Variants in ERP29 observed in about 807,000 individuals in gnomAD.
ERP29 encodes the protein endoplasmic reticulum protein 29.
In ERP29, 14 loss-of-function variants were observed where a neutral mutation model predicts 21.7. The ratio of observed to expected loss-of-function variants is 0.64; its 90% confidence interval spans 0.43 to 1.01. The LOEUF is 1.01. Ranked by LOEUF, ERP29 falls within the 50% of genes least tolerant of loss-of-function variation. The pLI is 0.00. For synonymous variants in ERP29, 129 were observed against 139.1 expected (o/e 0.93, Z 0.51); for missense variants, 286 against 327.3 (o/e 0.87, Z 0.97).
intron 2 of ERP29, among the ~76,000 whole-genome samples, chr12:112,021,352 C>T (rs927537343): frequency 6.6e-6 from 1 of 152,148 alleles, no homozygotes; most frequent in Non-Finnish European, 1.5e-5. Flanking sequence ...GGTCCTTTAG[C>T]TGATGTCACC....
At chr12:112,017,788 T>C (rs953965198) in intron 1 of ERP29, among the ~76,000 whole-genome samples, 2 of 147,132 alleles carry the variant, frequency 1.4e-5, no homozygotes, top group African/African-American at 5.2e-5. Flanking sequence ...TTTTTCTTTT[T>C]TTTTTTTTTT....
chr12:112,014,506 G>T (rs1208012695), intron 1 of ERP29: 1 of 152,194 alleles, frequency 6.6e-6, no homozygotes, highest in African/African-American at 2.4e-5. Flanking sequence ...AACATCTTGG[G>T]GTTGGCAACA....
At chr12:112,014,342 G>A (rs1189796534) in intron 1 of ERP29, among the ~76,000 whole-genome samples, 1 of 152,222 alleles carries the variant, frequency 6.6e-6, no homozygotes, top group East Asian at 1.9e-4. Context: ...CTACGCATGT[G>A]AGGGATCCAG....
intron 2 of ERP29, among the ~76,000 whole-genome samples, chr12:112,020,147 C>T (rs560042049): frequency 9.9e-5 from 15 of 152,222 alleles, no homozygotes; most frequent in African/African-American, 3.1e-4. Context: ...CTTCACATTC[C>T]ACCCCTCTCT....
intron 1 of ERP29, chr12:112,018,938 T>C (rs972159608): frequency 1.3e-5 from 2 of 152,226 alleles, no homozygotes; most frequent in Non-Finnish European, 2.9e-5. Context: ...TCCATCAGAA[T>C]AGACAAATCT....
In ERP29 at chr12:112,022,548, A is replaced by T. The variant is rs1056002430; in HGVS notation, c.682A>T (p.Ile228Phe). The T allele has an allele frequency of 2.5e-6, 4 of 1,614,080 alleles. No homozygotes were observed. The highest frequency in any genetic ancestry group is 3.3e-4 in the Middle Eastern group (2 of 6,084). Residue 228 changes from isoleucine (I) to phenylalanine (F), a missense_variant, in exon 3 of 3, where the codon ATT (isoleucine) becomes TTT (phenylalanine). Physicochemically the swap from Ile to Phe is conservative, Grantham distance 21. Transcript: ENST00000261735. ...AGAGATGACACGGATCGCCAGGCTG[A>T]TTGAGAAGAACAAGATGAGTGACGG... ...ASEMTRIARLIEKNKMSDGKK... is the reference protein window; with the variant it reads ...ASEMTRIARLFEKNKMSDGKK...
At chr12:112,014,387 G>C (rs976153731) in intron 1 of ERP29, among the ~76,000 whole-genome samples, 1 of 152,242 alleles carries the variant, frequency 6.6e-6, no homozygotes, top group Non-Finnish European at 1.5e-5. Flanking sequence ...AATGCCTGAT[G>C]ATCTGAGGCG....
intron 1 of ERP29, 177 bp from the exon 2 acceptor site, chr12:112,019,579 G>C (rs2078032397): frequency 5.6e-6 from 4 of 708,422 alleles, no homozygotes; most frequent in Non-Finnish European, 1.0e-5. Flanking sequence ...CATGTTGCTG[G>C]CACTCACTAA....
chr12:112,013,813 G>T (rs1389089970), intron 1 of ERP29, among the ~76,000 whole-genome samples: 6 of 152,366 alleles, frequency 3.9e-5, no homozygotes, highest in South Asian at 4.1e-4. Flanking sequence ...GGGCCCCGGC[G>T]CACCCTTGCT....
chr12:112,019,948 C>A, intron 2 of ERP29, 54 bp downstream of exon 2: 2 of 1,602,894 alleles, frequency 1.2e-6, no homozygotes, highest in South Asian at 1.1e-5. Flanking sequence ...AGCTAGAAAT[C>A]GTTTCCCTAC....
At chr12:112,019,546 A>G in intron 1 of ERP29, 1 of 611,892 alleles carries the variant, frequency 1.6e-6, no homozygotes, top group Non-Finnish European at 3.0e-6. Context: ...ATTAGTGTGA[A>G]CAGGTACTAA....
intron 2 of ERP29, 23 bp from the exon 3 acceptor site, chr12:112,022,127 T>G: frequency 1.9e-6 from 3 of 1,612,454 alleles, no homozygotes; most frequent in Non-Finnish European, 2.5e-6. Flanking sequence ...GTCTTGCTTT[T>G]TGTGTCTGGT....
chr12:112,020,476 AG>A (rs1446349368), intron 2 of ERP29, among the ~76,000 whole-genome samples: 1 of 152,192 alleles, frequency 6.6e-6, no homozygotes, highest in African/African-American at 2.4e-5. Context: ...GTTATACTTC[AG>A]GAAAAAAAAA....
intron 2 of ERP29, among the ~76,000 whole-genome samples, chr12:112,021,081 G>A (rs79761579): frequency 0.092 from 14,046 of 152,238 alleles, 718 homozygotes; most frequent in East Asian, 0.23. Context: ...ACTAACAGCA[G>A]CTACCACATA....
At chr12:112,017,371 T>C (rs1474461329) in intron 1 of ERP29, among the ~76,000 whole-genome samples, 1 of 151,854 alleles carries the variant, frequency 6.6e-6, no homozygotes, top group Non-Finnish European at 1.5e-5. Context: ...GATAGCAGGG[T>C]ATGATGAAAA....
In ERP29 at chr12:112,013,566, A is replaced by G; in HGVS notation, c.101A>G (p.His34Arg). The G allele has an allele frequency of 1.2e-6, 2 of 1,610,084 alleles. No individual in the cohort carries two copies. Among genetic ancestry groups the G allele is most frequent in the Non-Finnish European group, 1.7e-6 (2 of 1,178,350 alleles). The change falls in exon 1 of 3, where the codon CAC becomes CGC. Residue 34 changes from histidine (H) to arginine (R), a missense_variant. By Grantham distance (29) the His-to-Arg change is conservative (BLOSUM62 0). Transcript: ENST00000261735. Reference sequence around the variant, plus strand: ...GCTCCGCATGGCGGCAGCGGCCTGCACACCAAGGGCGCCCTTCCCCTGGAT... The same window carrying G: ...GCTCCGCATGGCGGCAGCGGCCTGCGCACCAAGGGCGCCCTTCCCCTGGAT... ...LSAPHGGSGL[H>R]TKGALPLDTV... is the part of the protein sequence containing the mutation.
chr12:112,022,649 G>A lies in ERP29; in HGVS notation c.783G>A (p.Leu261=), dbSNP rs768847088. 6.2e-7 allele frequency: 1 copy of A among 1,602,364 alleles called. No homozygotes were observed. Among genetic ancestry groups the A allele is most frequent in the East Asian group, 2.2e-5 (1 of 44,752 alleles). The change falls in exon 3 of 3, where the codon CTG becomes CTA. Residue 261 remains leucine, a synonymous_variant. Transcript: ENST00000261735. ...AGAAGGGGGCCGAGAAAGAGGAGCT[G>A]TAAAAAGGCTGTCTGTGATTTTCCA... The part of the protein sequence containing the change: ...FQKKGAEKEE[L]
chr12:112,020,577 T>C (rs149864607), intron 2 of ERP29, among the ~76,000 whole-genome samples: 5 of 152,122 alleles, frequency 3.3e-5, no homozygotes, highest in African/African-American at 1.2e-4. Context: ...GGGGCTTACT[T>C]ATTTCACTTC....
chr12:112,013,435 T>A lies in ERP29; in HGVS notation c.-31T>A. On this transcript the variant is annotated 5_prime_UTR_variant, in exon 1 of 3. Coordinates refer to ENST00000261735, the MANE Select transcript of ERP29 (RefSeq NM_006817.4). ...ACTCGGGGCGTTCTCCACTATCGCT[T>A]ACCTACCTCCCTCTGCAGGAACCCG... 1 of 1,593,092 alleles carries A rather than the reference T, an allele frequency of 6.3e-7. No individual in the cohort carries two copies. The highest frequency in any genetic ancestry group is 8.5e-7 in the Non-Finnish European group (1 of 1,170,162).
Sources: allele counts gnomAD v4.1 joint callset (sites outside exome capture counted in the v4.1 genomes callset), GRCh38; gene constraint gnomAD v4.1.1; transcripts MANE v1.5; gene names NCBI Gene and HGNC (gene_info 2026-07-23, HGNC 2026-07-21).